RPS10: variants seen among roughly 807,000 people sequenced by gnomAD.
RPS10 encodes the protein ribosomal protein S10.
RPS10 carries 2 observed loss-of-function variants against 22.6 expected under a neutral mutation model. The ratio of observed to expected loss-of-function variants is 0.09; its 90% CI spans 0.04 to 0.28. The LOEUF (loss-of-function observed/expected upper bound fraction) is 0.28, where lower values mean the gene tolerates loss of function less well. Ranked by LOEUF, RPS10 falls within the 10% of genes least tolerant of loss-of-function variation. The pLI, the probability that RPS10 is intolerant of heterozygous loss-of-function variation, is 1.00. For synonymous variants in RPS10, 70 were observed against 75.9 expected, an observed-to-expected ratio of 0.92 and a Z score of 0.40; for missense variants, 137 against 222.2, an observed-to-expected ratio of 0.62 and a Z score of 2.44.
chr6:34,417,780 G>C (rs894991775), intron 5 of RPS10: 11 of 718,586 alleles, frequency 1.5e-5, no homozygotes, highest in Admixed American at 1.0e-4. Context: ...CACCCACCCA[G>C]AGTGTGTTCA....
intron 3 of RPS10, among the ~76,000 whole-genome samples, chr6:34,422,272 T>C (rs1362778768): frequency 6.6e-6 from 1 of 152,226 alleles, no homozygotes; most frequent in East Asian, 1.9e-4. Flanking sequence ...CTTCTTCACA[T>C]ACCTGTTAGG....
At chr6:34,417,655 A>T in intron 5 of RPS10, 108 bp from the exon 6 acceptor site, 1 of 1,040,608 alleles carries the variant, frequency 9.6e-7, no homozygotes, top group Non-Finnish European at 1.5e-6. Flanking sequence ...CCCAAATGTA[A>T]ACAGCTGGGA....
chr6:34,418,593 T>C (rs1218895979), intron 4 of RPS10, among the ~76,000 whole-genome samples, 169 bp from the exon 5 acceptor site: 2 of 152,168 alleles, frequency 1.3e-5, no homozygotes, highest in African/African-American at 4.8e-5. Context: ...CCTTTGTCTC[T>C]CCTGGGGCAC....
chr6:34,425,640 G>A (rs190642402), intron 1 of RPS10: 34 of 271,366 alleles, frequency 1.3e-4, no homozygotes, highest in African/African-American at 6.6e-4. Flanking sequence ...GAAGGCGGCA[G>A]ACCCCAAACC....
At chr6:34,419,393 G>A (rs1765686694) in intron 4 of RPS10, among the ~76,000 whole-genome samples, 1 of 151,868 alleles carries the variant, frequency 6.6e-6, no homozygotes, top group Non-Finnish European at 1.5e-5. Context: ...GAACTCCTGA[G>A]CTCAAGTGAT....
chr6:34,425,126 G>T lies in RPS10; in HGVS notation c.96C>A (p.His32Gln). ...GCACATTCTTGTCTGCCAGCTCCGG[G>T]TGCTTAGGCATGTGGACATCCTTCT... ...VAKKDVHMPK[H>Q]PELADKNVPN... The change falls in exon 2 of 6, where the codon CAC (histidine) becomes CAA (glutamine). Residue 32 changes from histidine (H) to glutamine (Q), a missense_variant. By Grantham distance (24) the His-to-Gln change is conservative. Transcript: ENST00000648437. 6.2e-7 allele frequency: 1 copy of T among 1,613,222 alleles called. No individual in the cohort carries two copies. The highest frequency in any genetic ancestry group is 8.5e-7 in the Non-Finnish European group (1 of 1,179,942).
At chr6:34,425,020 G>C in intron 2 of RPS10, 52 bp downstream of exon 2, 1 of 1,611,330 alleles carries the variant, frequency 6.2e-7, no homozygotes, top group East Asian at 2.2e-5. Flanking sequence ...CCCATCCCGG[G>C]ATGGGATCCC....
At chr6:34,421,839 G>C in intron 3 of RPS10, 32 bp from the exon 4 acceptor site, 1 of 1,613,032 alleles carries the variant, frequency 6.2e-7, no homozygotes, top group Non-Finnish European at 8.5e-7. Flanking sequence ...GTGAACACAG[G>C]GCAATGTGAG....
At chr6:34,425,586 A>G (rs941715075) in intron 1 of RPS10, 2 of 332,254 alleles carry the variant, frequency 6.0e-6, no homozygotes, top group Non-Finnish European at 1.2e-5. Context: ...GCTGTACCAT[A>G]AGGTACGCAG....
At position 34,417,663 on chromosome 6, in the gene RPS10, G is replaced by A. The variant is rs76012133; in HGVS notation, c.457-116C>T. 1,847 of 952,808 alleles carry A rather than the reference G, an allele frequency of 1.9e-3. 40 individuals are homozygous for A. The East Asian group carries it at 0.036, about 19-fold the overall frequency. The allele number at this position is 952,808 out of a possible 1,614,324, so 59.0% of individuals were successfully genotyped here. A position where few individuals can be genotyped will look rare whatever the true frequency, so the allele number is the denominator to read the frequency against. Reference sequence around the variant, plus strand: ...AGAGGCCCCCAAATGTAAACAGCTGGGAGAGAGCTGAGTACAGGCTATAAA... The same window carrying A: ...AGAGGCCCCCAAATGTAAACAGCTGAGAGAGAGCTGAGTACAGGCTATAAA... On this transcript the variant is annotated intron_variant, in intron 5 of 5. Coordinates refer to ENST00000648437, the MANE Select transcript of RPS10 (RefSeq NM_001014.5).
At chr6:34,418,505 A>G in intron 4 of RPS10, 81 bp from the exon 5 acceptor site, 3 of 1,603,864 alleles carry the variant, frequency 1.9e-6, no homozygotes, top group Non-Finnish European at 2.6e-6. Context: ...ACTGACTCCA[A>G]TCTTGCAGGA....
At chr6:34,423,699 C>G (rs947572191) in intron 3 of RPS10, among the ~76,000 whole-genome samples, 2 of 152,118 alleles carry the variant, frequency 1.3e-5, no homozygotes, top group Admixed American at 6.6e-5. Context: ...GCCTGGCCAA[C>G]AGAGTGAAAC....
intron 4 of RPS10, among the ~76,000 whole-genome samples, chr6:34,421,509 A>G (rs887286331): frequency 5.3e-5 from 8 of 151,870 alleles, no homozygotes; most frequent in Middle Eastern, 3.2e-3. Flanking sequence ...TTTGTTTTTT[A>G]AAAAATCCCA....
intron 3 of RPS10, among the ~76,000 whole-genome samples, chr6:34,424,033 A>G (rs1185242455): frequency 2.0e-5 from 3 of 150,510 alleles, no homozygotes; most frequent in Non-Finnish European, 2.9e-5. Flanking sequence ...TGCTCTCTGC[A>G]GCTCCTACAG....
rs201152255 is a variant in RPS10 at position 34,424,092 on chromosome 6, G to A, written c.322+577C>T. Among the ~76,000 whole-genome samples, 7 of 127,992 alleles carry A rather than the reference G, an allele frequency of 5.5e-5. No individual in the cohort carries two copies. The East Asian group carries it at 7.7e-4, about 14-fold the overall frequency. The allele number at this position is 127,992 out of a possible 152,430, so 84.0% of individuals were successfully genotyped here. On this transcript the variant is annotated intron_variant, in intron 3 of 5. Transcript: ENST00000648437. Reference sequence around the variant, plus strand: ...CCTAGATAAAATACAGGCCAAGCACGGTGGCTTACCACCGCACTCCAGGCT... The same window carrying A: ...CCTAGATAAAATACAGGCCAAGCACAGTGGCTTACCACCGCACTCCAGGCT...
chr6:34,425,300 G>C (rs1765917638), intron 1 of RPS10, 79 bp from the exon 2 acceptor site: 7 of 1,528,582 alleles, frequency 4.6e-6, no homozygotes, highest in African/African-American at 1.4e-5. Context: ...TGATCCTAAA[G>C]TGACCCACAC....
chr6:34,425,216 C>T lies in RPS10; in HGVS notation c.6G>A (p.Leu2=), dbSNP rs146246722. The T allele has an allele frequency of 4.9e-4, 790 of 1,608,702 alleles. 3 individuals carry two copies. Among genetic ancestry groups the T allele is most frequent in the East Asian group, 4.7e-3 (209 of 44,826 alleles). The change falls in exon 2 of 6, where the codon TTG becomes TTA. Residue 2 remains leucine (L), a synonymous_variant. Coordinates refer to ENST00000648437, the MANE Select transcript of RPS10 (RefSeq NM_001014.5). ...TGGCAATCCGGTTCTTCTTAGGCATCAACATCTGCAAGAAGGAGACGATTG... is the reference window on the plus strand; with the variant it reads ...TGGCAATCCGGTTCTTCTTAGGCATTAACATCTGCAAGAAGGAGACGATTG... M[L]MPKKNRIAIY...
At chr6:34,424,560 G>T in intron 3 of RPS10, 109 bp downstream of exon 3, 2 of 1,449,468 alleles carry the variant, frequency 1.4e-6, no homozygotes, top group Non-Finnish European at 1.9e-6. Context: ...TTGACCAAAT[G>T]CCTGCAGGCC....
intron 5 of RPS10, 75 bp from the exon 6 acceptor site, chr6:34,417,622 G>T: frequency 1.4e-6 from 2 of 1,475,142 alleles, no homozygotes; most frequent in Non-Finnish European, 1.9e-6. Context: ...TAACTTTCAG[G>T]CCTCATTATA....
Sources: gnomAD v4.1 joint callset for allele counts (sites outside exome capture counted in the v4.1 genomes callset) on GRCh38, gnomAD v4.1.1 for gene constraint, MANE v1.5 for transcripts, NCBI Gene and HGNC (gene_info 2026-07-23, HGNC 2026-07-21) for gene names.